The following AKR1C8 variants were observed in gnomAD, a reference collection of about 807,000 sequenced individuals.
AKR1C8 encodes the protein aldo-keto reductase family 1 member C8.
At chr10:5,159,551 C>A in the AKR1C8 span, among the ~76,000 whole-genome samples, 1 of 152,060 alleles carries the variant, frequency 6.6e-6, no homozygotes, top group Non-Finnish European at 1.5e-5. Context: ...CCTAGGAGAA[C>A]AAATCCATGT....
the AKR1C8 span, among the ~76,000 whole-genome samples, chr10:5,174,112 CTATT>C: frequency 1.3e-5 from 2 of 151,560 alleles, no homozygotes; most frequent in Non-Finnish European, 2.9e-5. Flanking sequence ...CCAACTATAC[CTATT>C]TATTAGGCCC....
At chr10:5,132,323 C>A in the AKR1C8 span, among the ~76,000 whole-genome samples, 1 of 152,078 alleles carries the variant, frequency 6.6e-6, no homozygotes, top group South Asian at 2.1e-4. Flanking sequence ...CCACAAAAGC[C>A]ATTGAAATTA....
At chr10:5,151,760 T>C in the AKR1C8 span, among the ~76,000 whole-genome samples, 4 of 152,130 alleles carry the variant, frequency 2.6e-5, no homozygotes, top group East Asian at 5.8e-4. Context: ...TTTCACCATG[T>C]TGGCCAGGCT....
At chr10:5,155,493 A>T in the AKR1C8 span, 19 of 289,284 alleles carry the variant, frequency 6.6e-5, no homozygotes, top group East Asian at 1.4e-3. Flanking sequence ...TTACAGACAC[A>T]TTTCTGCTGG....
the AKR1C8 span, among the ~76,000 whole-genome samples, chr10:5,116,372 A>G: frequency 6.6e-6 from 1 of 152,106 alleles, no homozygotes; most frequent in East Asian, 1.9e-4. Flanking sequence ...CAGAAGGTGA[A>G]GTCACGGGAA....
At chr10:5,168,170 G>C in the AKR1C8 span, among the ~76,000 whole-genome samples, 8 of 152,094 alleles carry the variant, frequency 5.3e-5, no homozygotes, top group African/African-American at 1.7e-4. Flanking sequence ...GAAACGGTCT[G>C]AGGTTTCCTA....
chr10:5,177,933 C>T, the AKR1C8 span, among the ~76,000 whole-genome samples: 3 of 152,136 alleles, frequency 2.0e-5, no homozygotes, highest in African/African-American at 7.2e-5. Flanking sequence ...AAAAACAGCT[C>T]CTGGATTCAT....
chr10:5,151,297 T>A, the AKR1C8 span, among the ~76,000 whole-genome samples: 1 of 152,136 alleles, frequency 6.6e-6, no homozygotes, highest in Non-Finnish European at 1.5e-5. Flanking sequence ...TAATTTCTAA[T>A]CTTGTGGCTA....
At chr10:5,170,899 A>G in the AKR1C8 span, among the ~76,000 whole-genome samples, 50 of 152,144 alleles carry the variant, frequency 3.3e-4, 1 homozygote, top group Non-Finnish European at 5.9e-4. Flanking sequence ...ATTTTGGAGA[A>G]AATCAGGTAG....
the AKR1C8 span, among the ~76,000 whole-genome samples, chr10:5,118,196 A>G: frequency 6.6e-6 from 1 of 152,324 alleles, no homozygotes; most frequent in Non-Finnish European, 1.5e-5. Context: ...CATTGTGGGT[A>G]AACATTCCTT....
the AKR1C8 span, chr10:5,161,575 GA>G: frequency 1.5e-5 from 6 of 403,410 alleles, no homozygotes; most frequent in Admixed American, 1.9e-4. Flanking sequence ...CAAGCACTGA[GA>G]AATACAGTGC....
chr10:5,154,890 G>A, the AKR1C8 span: 1 of 152,234 alleles, frequency 6.6e-6, no homozygotes, highest in South Asian at 2.1e-4. Flanking sequence ...GCTCTCCAGA[G>A]GTGGACTTCA....
chr10:5,148,034 CTTT>C, the AKR1C8 span, among the ~76,000 whole-genome samples: 1 of 152,128 alleles, frequency 6.6e-6, no homozygotes, highest in Non-Finnish European at 1.5e-5. Flanking sequence ...AACTCCCCTC[CTTT>C]TTTTGTATTT....
the AKR1C8 span, among the ~76,000 whole-genome samples, chr10:5,129,423 A>AGAACAGAACTAAATGAAATTG: frequency 6.6e-6 from 1 of 152,024 alleles, no homozygotes; most frequent in Non-Finnish European, 1.5e-5. Flanking sequence ...AAATAATATC[A>AGAACAGAACTAAATGAAATTG]GAACAGAACT....
chr10:5,167,270 A>C, the AKR1C8 span, among the ~76,000 whole-genome samples: 1,163 of 152,210 alleles, frequency 7.6e-3, 8 homozygotes, highest in African/African-American at 0.025. Flanking sequence ...TTGACCCAGC[A>C]ATCCCATTAC....
chr10:5,175,785 G>A, the AKR1C8 span, among the ~76,000 whole-genome samples: 3 of 152,136 alleles, frequency 2.0e-5, no homozygotes, highest in African/African-American at 4.8e-5. Flanking sequence ...CTTTTGAGAA[G>A]TGTCTGTTCA....
At chr10:5,134,664 G>T in the AKR1C8 span, among the ~76,000 whole-genome samples, 1 of 152,098 alleles carries the variant, frequency 6.6e-6, no homozygotes, top group African/African-American at 2.4e-5. Flanking sequence ...CATGCTCAAG[G>T]CCACACAGCA....
the AKR1C8 span, among the ~76,000 whole-genome samples, chr10:5,145,007 T>C: frequency 1.3e-5 from 2 of 151,702 alleles, no homozygotes; most frequent in African/African-American, 4.8e-5. Flanking sequence ...GGCTGTGGGT[T>C]TGTCATAGAT....
the AKR1C8 span, among the ~76,000 whole-genome samples, chr10:5,117,474 C>T: frequency 6.6e-6 from 1 of 152,136 alleles, no homozygotes; most frequent in Non-Finnish European, 1.5e-5. Context: ...AAAACTTTGT[C>T]ACAAATGGTA....
Sources: allele counts gnomAD v4.1 joint callset (sites outside exome capture counted in the v4.1 genomes callset), GRCh38; gene constraint gnomAD v4.1.1; transcripts MANE v1.5; gene names NCBI Gene and HGNC (gene_info 2026-07-23, HGNC 2026-07-21).